Variants in ATP2C2 observed in about 807,000 individuals in gnomAD.
ATP2C2 encodes the protein calcium-transporting ATPase type 2C member 2.
ATP2C2 carries 171 observed loss-of-function variants against 110.8 expected under a neutral mutation model. The observed-to-expected ratio is 1.54, with a 90% CI of 1.36 to 1.75. ATP2C2 has a LOEUF of 1.75. Ranked by LOEUF, ATP2C2 falls within the 40% of genes most tolerant of loss-of-function variation. The pLI is 0.00. For missense variants in ATP2C2, 1,963 were observed against 1,235.0 expected, an observed-to-expected ratio of 1.59 and a Z score of -8.84; for synonymous variants, 804 against 508.4, an observed-to-expected ratio of 1.58 and a Z score of -7.82.
intron 1 of ATP2C2, among the ~76,000 whole-genome samples, chr16:84,392,021 A>C (rs1243719554): frequency 6.6e-6 from 1 of 151,662 alleles, no homozygotes; most frequent in African/African-American, 2.4e-5. Flanking sequence ...AGGTCAAATC[A>C]TATAACACCT....
intron 1 of ATP2C2, among the ~76,000 whole-genome samples, chr16:84,369,727 A>T (rs1022056368): frequency 6.6e-6 from 1 of 152,222 alleles, no homozygotes; most frequent in African/African-American, 2.4e-5. Context: ...TGGTCAAAAC[A>T]TTTTGTTTGT....
At chr16:84,458,583 G>T (rs1181596421) in intron 21 of ATP2C2, among the ~76,000 whole-genome samples, 1 of 152,182 alleles carries the variant, frequency 6.6e-6, no homozygotes, top group Admixed American at 6.5e-5. Flanking sequence ...TGGCGGTGGG[G>T]GCACCCACGG....
chr16:84,459,441 C>A, intron 23 of ATP2C2, 55 bp downstream of exon 23: 1 of 1,604,700 alleles, frequency 6.2e-7, no homozygotes. Context: ...GCGGGGCTTC[C>A]TCCAGGGGCT....
rs376093453 is a variant in ATP2C2 at position 84,460,819 on chromosome 16, C to G, written c.2481+18C>G. On this transcript the variant is annotated intron_variant, in intron 24 of 26. Coordinates refer to ENST00000262429, the MANE Select transcript of ATP2C2 (RefSeq NM_014861.4). ...GGAAGGAGGTGAGCGAGGGTCACCCCGGCCTGTTCTCCAAGCCCTGGTGCG... is the reference window on the plus strand; with the variant it reads ...GGAAGGAGGTGAGCGAGGGTCACCCGGGCCTGTTCTCCAAGCCCTGGTGCG... 8.4e-5 allele frequency: 135 copies of G among 1,600,252 alleles called. No homozygotes were observed. The highest frequency in any genetic ancestry group is 1.1e-4 in the Non-Finnish European group (129 of 1,171,720).
intron 7 of ATP2C2, among the ~76,000 whole-genome samples, chr16:84,417,415 C>T (rs888007391): frequency 6.6e-6 from 1 of 152,184 alleles, no homozygotes; most frequent in Non-Finnish European, 1.5e-5. Context: ...GAAGATGAAA[C>T]AAGCTATGAC....
rs544201693 is a variant in ATP2C2 at position 84,376,300 on chromosome 16, T to C, written c.99+7586T>C. The stretch of plus-strand genomic sequence containing the variant: ...CATGAGGGCAGGACTGGCTACAGAA[T>C]TCGTGGGGCAGACTGCCAATAGCAG... On this transcript the variant is annotated intron_variant, in intron 1 of 26. Coordinates refer to ENST00000262429, the MANE Select transcript of ATP2C2 (RefSeq NM_014861.4). Among the ~76,000 whole-genome samples, 162 of 152,326 alleles carry C rather than the reference T, an allele frequency of 1.1e-3. 2 individuals are homozygous for C. Among genetic ancestry groups the C allele is most frequent in the African/African-American group, 3.8e-3 (160 of 41,580 alleles).
At chr16:84,410,206 T>C (rs1906152046) in intron 4 of ATP2C2, among the ~76,000 whole-genome samples, 1 of 152,076 alleles carries the variant, frequency 6.6e-6, no homozygotes, top group African/African-American at 2.4e-5. Flanking sequence ...AGATTCCATT[T>C]CAGAAGAAAA....
chr16:84,451,329 C>T (rs1166538503), intron 17 of ATP2C2, among the ~76,000 whole-genome samples: 1 of 152,164 alleles, frequency 6.6e-6, no homozygotes, highest in Non-Finnish European at 1.5e-5. Flanking sequence ...AGCTACAGTT[C>T]AAGATGAGAT....
In ATP2C2 at chr16:84,462,022, A is replaced by G. The variant is rs766649441; in HGVS notation, c.2615A>G (p.Asn872Ser). 5.6e-6 allele frequency: 9 copies of G among 1,613,820 alleles called. No homozygotes were observed. The highest frequency in any genetic ancestry group is 7.6e-6 in the Non-Finnish European group (9 of 1,179,890). ...ATATTTGAGATCGGCTTTCTCAGGA[A>G]CCACATGTTCCTCTACTCCGTCCTG... Reference protein sequence around the residue: ...KLIFEIGFLRNHMFLYSVLGS... With the variant: ...KLIFEIGFLRSHMFLYSVLGS... The change falls in exon 26 of 27, where the codon AAC becomes AGC. Residue 872 changes from asparagine (N) to serine (S), a missense_variant. By Grantham distance (46) the Asn-to-Ser change is conservative. Coordinates refer to ENST00000262429, the MANE Select transcript of ATP2C2 (RefSeq NM_014861.4).
intron 7 of ATP2C2, among the ~76,000 whole-genome samples, chr16:84,418,905 G>C (rs181837975): frequency 7.3e-4 from 111 of 152,200 alleles, no homozygotes; most frequent in African/African-American, 2.6e-3. Context: ...TTCACTGGGT[G>C]GAAATCAACA....
At chr16:84,406,624 G>C in intron 3 of ATP2C2, 2 of 985,550 alleles carry the variant, frequency 2.0e-6, no homozygotes, top group Non-Finnish European at 1.2e-6. Context: ...TCATCGATGC[G>C]TTTTGGCAGC....
At chr16:84,456,456 G>A (rs113623889) in intron 21 of ATP2C2, among the ~76,000 whole-genome samples, 21,530 of 143,062 alleles carry the variant, frequency 0.15, 1,958 homozygotes, top group South Asian at 0.21. Context: ...CTCTCTCACC[G>A]CTCCTATTCA....
Position 84,459,903 on chromosome 16 carries a change from T to A in ATP2C2, c.2333+517T>A, listed in dbSNP as rs1039363502. On this transcript the variant is annotated intron_variant, in intron 23 of 26. Transcript: ENST00000262429. ...TTGCCACTCAGTAGGTGCTCAGGAG[T>A]CCACCCGCTCCGCCACTTAATATCC... 1.1e-4 allele frequency: 33 copies of A among 313,926 alleles called. 1 individual carries two copies. The highest frequency in any genetic ancestry group is 6.8e-4 in the African/African-American group (32 of 47,038). The allele number at this position is 313,926 out of a possible 1,614,324, so 19.4% of individuals were successfully genotyped here.
intron 1 of ATP2C2, among the ~76,000 whole-genome samples, chr16:84,393,712 A>G (rs1182778638): frequency 6.4e-5 from 9 of 139,680 alleles, no homozygotes; most frequent in African/African-American, 2.1e-4. Context: ...AGGATAGAGG[A>G]TGGGAGGCCA....
chr16:84,406,954 A>T (rs1335250785), intron 3 of ATP2C2, among the ~76,000 whole-genome samples: 1 of 152,126 alleles, frequency 6.6e-6, no homozygotes, highest in Non-Finnish European at 1.5e-5. Flanking sequence ...GTGTTCCCCA[A>T]AATGAAATCT....
rs1324960283 is a variant in ATP2C2 at position 84,446,377 on chromosome 16, C to G, written c.1450C>G (p.Pro484Ala). The G allele has an allele frequency of 1.9e-6, 3 of 1,604,100 alleles. No homozygotes were observed. Among genetic ancestry groups the G allele is most frequent in the Admixed American group, 1.7e-5 (1 of 58,266 alleles). ...TTCATATATAAGAAAAAAAGAGATT[C>G]CATTCAGTTCAGAGCAGAAGTGGAT... ...KNSYIRKKEIPFSSEQKWMAV... is the reference protein window; with the variant it reads ...KNSYIRKKEIAFSSEQKWMAV... The change falls in exon 16 of 27, where the codon CCA becomes GCA. Residue 484 changes from proline to alanine, a missense_variant. Pro to Ala is a conservative substitution (Grantham distance 27). Coordinates refer to ENST00000262429, the MANE Select transcript of ATP2C2 (RefSeq NM_014861.4).
At chr16:84,391,388 C>T (rs909448872) in intron 1 of ATP2C2, among the ~76,000 whole-genome samples, 5 of 152,198 alleles carry the variant, frequency 3.3e-5, no homozygotes, top group African/African-American at 9.6e-5. Context: ...ATGGTCAAGG[C>T]GTGTCCTCCC....
intron 2 of ATP2C2, among the ~76,000 whole-genome samples, chr16:84,402,377 G>C (rs191294781): frequency 6.6e-6 from 1 of 152,176 alleles, no homozygotes; most frequent in African/African-American, 2.4e-5. Context: ...AGTGGTAAAA[G>C]TGGGTATCCT....
intron 20 of ATP2C2, among the ~76,000 whole-genome samples, chr16:84,454,114 C>G (rs1016854040): frequency 6.6e-6 from 1 of 152,096 alleles, no homozygotes; most frequent in African/African-American, 2.4e-5. Context: ...GTGCTGGGTG[C>G]TTTTTGGCTT....
Sources: gnomAD v4.1 joint callset for allele counts (sites outside exome capture counted in the v4.1 genomes callset) on GRCh38, gnomAD v4.1.1 for gene constraint, MANE v1.5 for transcripts, NCBI Gene and HGNC (gene_info 2026-07-23, HGNC 2026-07-21) for gene names.